The following CCDC198 variants were observed in gnomAD, a reference collection of about 807,000 sequenced individuals.
CCDC198 encodes the protein factor associated with metabolism and energy.
Under a neutral mutation model 35.6 loss-of-function variants are expected in CCDC198, and 18 were observed. The observed-to-expected ratio is 0.51, with a 90% CI of 0.35 to 0.75. CCDC198 has a LOEUF of 0.75. Ranked by LOEUF, CCDC198 falls within the 30% of genes least tolerant of loss-of-function variation. CCDC198 has a pLI of 0.01. For missense variants in CCDC198, 365 were observed against 343.7 expected (o/e 1.06, Z -0.49); for synonymous variants, 119 against 113.4 (o/e 1.05, Z -0.31).
rs1440715090 is a variant in CCDC198 at position 57,491,085 on chromosome 14, G to T, written c.224-14C>A. On this transcript the variant is annotated splice_polypyrimidine_tract_variant and intron_variant, in intron 1 of 5. Transcript: ENST00000216445. ...TGTCTCTGGATGCTTGAAGGATTGG[G>T]GAAGAAACAGGAATAAAACATTAAA... 4.4e-6 allele frequency: 7 copies of T among 1,605,464 alleles called. No homozygotes were observed. The highest frequency in any genetic ancestry group is 6.0e-6 in the Non-Finnish European group (7 of 1,174,762).
chr14:57,486,288 A>G (rs1222713495), intron 2 of CCDC198, among the ~76,000 whole-genome samples: 1 of 152,180 alleles, frequency 6.6e-6, no homozygotes, highest in African/African-American at 2.4e-5. Flanking sequence ...TTCAATCTTC[A>G]TGTGAACTCC....
intron 5 of CCDC198, chr14:57,478,569 T>C (rs1274426288): frequency 5.6e-5 from 55 of 987,516 alleles, no homozygotes; most frequent in Non-Finnish European, 6.5e-5. Flanking sequence ...GTCTGAGACA[T>C]CTTCCAGGGA....
chr14:57,493,421 A>G (rs2067644245), intron 1 of CCDC198, 72 bp downstream of exon 1: 3 of 1,261,228 alleles, frequency 2.4e-6, no homozygotes, highest in Admixed American at 3.6e-5. Context: ...GATCATGGAG[A>G]CAGTCAGATA....
rs970101527 is a variant in CCDC198 at position 57,478,385 on chromosome 14, G to A, written c.655+2210C>T. 22 of 840,776 alleles carry A rather than the reference G, an allele frequency of 2.6e-5. No individual in the cohort carries two copies. The African/African-American group carries it at 3.7e-4, about 14-fold the overall frequency. 52.1% of individuals were successfully genotyped at this position (840,776 alleles called of 1,614,324 possible). A position where few individuals can be genotyped will look rare whatever the true frequency, so the allele number is the denominator to read the frequency against. ...GCGAATAGTAGCTCCTACCTTCTAG[G>A]TTGTGTGAGAATTAAAAGAGATAAT... On this transcript the variant is annotated intron_variant, in intron 5 of 5. Coordinates refer to ENST00000216445, the MANE Select transcript of CCDC198 (RefSeq NM_018168.4).
chr14:57,480,819 C>T (rs550417433), intron 4 of CCDC198, 65 bp from the exon 5 acceptor site: 10 of 1,540,098 alleles, frequency 6.5e-6, no homozygotes, highest in East Asian at 2.2e-5. Context: ...ACTAGATCAA[C>T]AGATCAGCCA....
At chr14:57,480,292 A>C (rs1424552268) in intron 5 of CCDC198, 1 of 985,344 alleles carries the variant, frequency 1.0e-6, no homozygotes, top group Non-Finnish European at 1.2e-6. Flanking sequence ...TCTAACCACA[A>C]GATGAGGCTA....
chr14:57,474,922 A>G lies in CCDC198; in HGVS notation c.656-3332T>C, dbSNP rs890817734. ...TATTTTATGTGTTTCAGAAAAATGT[A>G]TCACTACTCTATCAAACCCAGAATT... On this transcript the variant is annotated intron_variant, in intron 5 of 5. Transcript: ENST00000216445. Among the ~76,000 whole-genome samples the G allele has an allele frequency of 9.9e-5, 15 of 152,214 alleles. No individual in the cohort carries two copies. The East Asian group carries it at 1.3e-3, about 14-fold the overall frequency.
chr14:57,491,013 T>C lies in CCDC198; in HGVS notation c.282A>G (p.Lys94=). The change falls in exon 2 of 6, where the codon AAA becomes AAG. Residue 94 remains lysine, a synonymous_variant. Transcript: ENST00000216445. ...CTTGAAGTCTTTGGGGTGGATGCCT[T>C]TTAATAATACTTGTTTCTCTGTGTT... ...PLEHRETSII[K]RHPPQRLQKL... 6.2e-7 allele frequency: 1 copy of C among 1,607,242 alleles called. No individual in the cohort carries two copies. The highest frequency in any genetic ancestry group is 1.7e-4 in the Middle Eastern group (1 of 6,034).
At chr14:57,473,460 A>G (rs530550851) in intron 5 of CCDC198, among the ~76,000 whole-genome samples, 1 of 152,294 alleles carries the variant, frequency 6.6e-6, no homozygotes, top group South Asian at 2.1e-4. Flanking sequence ...TAATTGTTCA[A>G]GAGAAACCCA....
chr14:57,491,149 G>C (rs1312395854), intron 1 of CCDC198, 78 bp from the exon 2 acceptor site: 2 of 1,431,462 alleles, frequency 1.4e-6, no homozygotes, highest in Non-Finnish European at 1.9e-6. Context: ...TTAGTTACTA[G>C]ACTTTGTCAA....
chr14:57,491,504 G>A (rs961897020), intron 1 of CCDC198, among the ~76,000 whole-genome samples: 3 of 151,878 alleles, frequency 2.0e-5, no homozygotes, highest in African/African-American at 4.8e-5. Context: ...TGAAATAGAT[G>A]ATAGATAGAT....
intron 2 of CCDC198, among the ~76,000 whole-genome samples, chr14:57,490,132 T>C (rs752505740): frequency 4.6e-5 from 7 of 152,114 alleles, no homozygotes; most frequent in Non-Finnish European, 7.4e-5. Context: ...CCAGTACCCC[T>C]GGGATTGGTC....
At chr14:57,481,187 A>G (rs1329671813) in intron 4 of CCDC198, among the ~76,000 whole-genome samples, 4 of 152,158 alleles carry the variant, frequency 2.6e-5, no homozygotes, top group Admixed American at 6.5e-5. Context: ...AGATAATTCT[A>G]TGGCAAGAAT....
Position 57,483,106 on chromosome 14 carries a change from G to C in CCDC198, c.352C>G (p.Leu118Val), listed in dbSNP as rs1038816791. 2.5e-6 allele frequency: 4 copies of C among 1,614,102 alleles called. No individual in the cohort carries two copies. Among genetic ancestry groups the C allele is most frequent in the Middle Eastern group, 1.7e-4 (1 of 6,060 alleles). Residue 118 changes from leucine to valine, a missense_variant, in exon 3 of 6, where the codon CTC becomes GTC. Transcript: ENST00000216445. ...DLPRVITSGRLLSQREARTMH... is the reference protein window; with the variant it reads ...DLPRVITSGRVLSQREARTMH... ...GTCCTGGCTTCTCGCTGGCTCAGGA[G>C]TCTTCCTGAAGTAATTACTCGTGGC...
At chr14:57,484,083 A>G (rs1051685549) in intron 2 of CCDC198, among the ~76,000 whole-genome samples, 6 of 152,332 alleles carry the variant, frequency 3.9e-5, no homozygotes, top group East Asian at 1.9e-4. Flanking sequence ...ACACTACATA[A>G]CTGAAGGACT....
At chr14:57,476,763 A>C (rs2067010921) in intron 5 of CCDC198, among the ~76,000 whole-genome samples, 1 of 152,202 alleles carries the variant, frequency 6.6e-6, no homozygotes, top group Admixed American at 6.5e-5. Flanking sequence ...AGGAACCTTA[A>C]TGACCAGACC....
chr14:57,492,259 T>G (rs73299843), intron 1 of CCDC198, among the ~76,000 whole-genome samples: 1 of 151,974 alleles, frequency 6.6e-6, no homozygotes, highest in Non-Finnish European at 1.5e-5. Flanking sequence ...ATATGGGAGA[T>G]CATGAGGATT....
chr14:57,488,463 C>T, intron 2 of CCDC198, among the ~76,000 whole-genome samples: 1 of 152,120 alleles, frequency 6.6e-6, no homozygotes, highest in East Asian at 1.9e-4. Context: ...TTTATCCCCC[C>T]TCCAGCAGGG....
At position 57,481,616 on chromosome 14, in the gene CCDC198, C is replaced by T; in HGVS notation, c.438G>A (p.Glu146=). 1 of 1,612,284 alleles carries T rather than the reference C, an allele frequency of 6.2e-7. No individual in the cohort carries two copies. The highest frequency in any genetic ancestry group is 2.2e-5 in the East Asian group (1 of 44,798). ...GCATCTTATGCAAATATTGTCTGTT[C>T]TCAGAAGTATACATTGGAGTTTGCA... ...KKMQTPMYTS[E]NRQYLHKMQV... is the part of the protein sequence containing the mutation. The change falls in exon 4 of 6, where the codon GAG becomes GAA. Residue 146 remains glutamate (E), a synonymous_variant. Transcript: ENST00000216445.
Sources: allele counts gnomAD v4.1 joint callset (sites outside exome capture counted in the v4.1 genomes callset), GRCh38; gene constraint gnomAD v4.1.1; transcripts MANE v1.5; gene names NCBI Gene and HGNC (gene_info 2026-07-23, HGNC 2026-07-21).